Variants in TGFB2 observed in about 807,000 individuals in gnomAD.
The protein encoded by TGFB2 is transforming growth factor beta-2 proprotein.
A neutral mutation model predicts 42.7 loss-of-function variants in TGFB2; 13 were observed. The observed-to-expected ratio is 0.30, with a 90% CI of 0.20 to 0.48. The LOEUF is 0.48. Ranked by LOEUF, TGFB2 falls within the 20% of genes least tolerant of loss-of-function variation. TGFB2 has a pLI of 0.99. For synonymous variants in TGFB2, 193 were observed against 193.6 expected, an observed-to-expected ratio of 1.00 and a Z score of 0.03; for missense variants, 390 against 517.5, an observed-to-expected ratio of 0.75 and a Z score of 2.39.
At chr1:218,368,787 C>A (rs1355721654) in intron 1 of TGFB2, among the ~76,000 whole-genome samples, 2 of 152,108 alleles carry the variant, frequency 1.3e-5, no homozygotes, top group African/African-American at 2.4e-5. Context: ...GAGGGAATAG[C>A]TGGTTCTGTT....
At chr1:218,363,678 A>AG (rs1053048935) in intron 1 of TGFB2, among the ~76,000 whole-genome samples, 1 of 152,214 alleles carries the variant, frequency 6.6e-6, no homozygotes, top group Admixed American at 6.5e-5. Context: ...TATGTGTTTT[A>AG]GGGGTCACAG....
intron 1 of TGFB2, among the ~76,000 whole-genome samples, chr1:218,367,537 T>C (rs1023957422): frequency 6.6e-6 from 1 of 152,242 alleles, no homozygotes; most frequent in Non-Finnish European, 1.5e-5. Flanking sequence ...CTGTACAGTA[T>C]GGATATTCTA....
At chr1:218,387,258 G>A (rs913445906) in intron 1 of TGFB2, among the ~76,000 whole-genome samples, 1 of 152,090 alleles carries the variant, frequency 6.6e-6, no homozygotes, top group Non-Finnish European at 1.5e-5. Flanking sequence ...GAGTGGAGGG[G>A]AGACAGCAGG....
chr1:218,425,701 A>C (rs1488468532), intron 2 of TGFB2, among the ~76,000 whole-genome samples: 1 of 152,218 alleles, frequency 6.6e-6, no homozygotes, highest in Non-Finnish European at 1.5e-5. Context: ...ATAATGGAGA[A>C]TCTCAACAAT....
intron 6 of TGFB2, 107 bp downstream of exon 6, chr1:218,437,603 A>C (rs1246392645): frequency 8.2e-7 from 1 of 1,212,254 alleles, no homozygotes; most frequent in East Asian, 2.7e-5. Context: ...TTACCATCAC[A>C]CATGTATGGG....
chr1:218,355,109 G>T (rs929458439), intron 1 of TGFB2, among the ~76,000 whole-genome samples: 1 of 152,152 alleles, frequency 6.6e-6, no homozygotes, highest in African/African-American at 2.4e-5. Context: ...CACCATGTTG[G>T]TCAGGCTGGT....
chr1:218,361,582 C>T (rs1657212344), intron 1 of TGFB2, among the ~76,000 whole-genome samples: 1 of 152,142 alleles, frequency 6.6e-6, no homozygotes, highest in African/African-American at 2.4e-5. Flanking sequence ...ATGCATAGGG[C>T]CATAGTTTGA....
intron 1 of TGFB2, among the ~76,000 whole-genome samples, chr1:218,364,570 A>C (rs1300849739): frequency 6.6e-6 from 1 of 152,170 alleles, no homozygotes; most frequent in East Asian, 1.9e-4. Flanking sequence ...GGTTTGGATT[A>C]TGTTGATTCT....
At chr1:218,426,726 A>C (rs886527611) in intron 2 of TGFB2, among the ~76,000 whole-genome samples, 2 of 152,310 alleles carry the variant, frequency 1.3e-5, no homozygotes, top group Admixed American at 1.3e-4. Context: ...AGTTAAAGCC[A>C]GGGATTAGAA....
chr1:218,360,785 G>C (rs145113144), intron 1 of TGFB2, among the ~76,000 whole-genome samples: 6 of 152,250 alleles, frequency 3.9e-5, no homozygotes, highest in African/African-American at 1.4e-4. Context: ...TATATCCAAA[G>C]CCTCACTGTT....
At chr1:218,362,481 G>A (rs889954837) in intron 1 of TGFB2, among the ~76,000 whole-genome samples, 5 of 152,168 alleles carry the variant, frequency 3.3e-5, no homozygotes, top group Non-Finnish European at 7.3e-5. Flanking sequence ...GCAGGGTTAC[G>A]TCTGCCTCAT....
At chr1:218,383,425 C>G (rs1358670884) in intron 1 of TGFB2, among the ~76,000 whole-genome samples, 4 of 152,016 alleles carry the variant, frequency 2.6e-5, no homozygotes, top group Non-Finnish European at 5.9e-5. Flanking sequence ...TTTAGAAAAA[C>G]ACAAGACCAT....
At chr1:218,425,187 GT>G (rs914616872) in intron 2 of TGFB2, among the ~76,000 whole-genome samples, 32 of 151,994 alleles carry the variant, frequency 2.1e-4, no homozygotes, top group African/African-American at 7.7e-4. Flanking sequence ...TCAGGCTTCC[GT>G]TTTTTGTTTG....
At chr1:218,393,660 C>G (rs1034117392) in intron 1 of TGFB2, among the ~76,000 whole-genome samples, 3 of 151,200 alleles carry the variant, frequency 2.0e-5, no homozygotes, top group Non-Finnish European at 4.4e-5. Flanking sequence ...GAAAATGGAG[C>G]AAAGGAAGTA....
chr1:218,363,080 C>T (rs765030422), intron 1 of TGFB2, among the ~76,000 whole-genome samples: 3 of 152,158 alleles, frequency 2.0e-5, no homozygotes, highest in Non-Finnish European at 4.4e-5. Flanking sequence ...AACATTAGAA[C>T]GTGCTAAAGG....
intron 5 of TGFB2, among the ~76,000 whole-genome samples, chr1:218,436,970 G>A (rs1196632876): frequency 6.6e-6 from 1 of 152,150 alleles, no homozygotes; most frequent in African/African-American, 2.4e-5. Context: ...TATTTGAAAG[G>A]GCAATAGAGG....
intron 1 of TGFB2, among the ~76,000 whole-genome samples, chr1:218,369,780 T>C (rs1008594063): frequency 1.3e-5 from 2 of 152,212 alleles, no homozygotes; most frequent in Admixed American, 1.3e-4. Flanking sequence ...AAGTCAAGCT[T>C]GGAAGGATCC....
Position 218,383,252 on chromosome 1 carries a change from G to T in TGFB2, c.347-21917G>T, listed in dbSNP as rs10482753. Among the ~76,000 whole-genome samples the T allele has an allele frequency of 1.8e-4, 27 of 152,258 alleles. 1 individual carries two copies. The highest frequency in any genetic ancestry group is 1.4e-3 in the Admixed American group (21 of 15,300). ...GGTTTAATTAGAAGACTATGAGCTC[G>T]AATGGAGCCACATTTAGACAGAATC... On this transcript the variant is annotated intron_variant, in intron 1 of 6. Transcript: ENST00000366930.
chr1:218,408,382 A>G (rs1658983445), intron 2 of TGFB2, among the ~76,000 whole-genome samples: 1 of 152,182 alleles, frequency 6.6e-6, no homozygotes, highest in Non-Finnish European at 1.5e-5. Flanking sequence ...CATGATGTGC[A>G]TGGCTTAGAG....
Sources: allele counts gnomAD v4.1 joint callset (sites outside exome capture counted in the v4.1 genomes callset), GRCh38; gene constraint gnomAD v4.1.1; transcripts MANE v1.5; gene names NCBI Gene and HGNC (gene_info 2026-07-23, HGNC 2026-07-21).